Variants in CELF2 observed in about 807,000 individuals in gnomAD.
CELF2 encodes the protein CUGBP Elav-like family member 2.
A neutral mutation model predicts 62.6 loss-of-function variants in CELF2; 8 were observed. The observed-to-expected ratio is 0.13, with a 90% CI of 0.07 to 0.23. The LOEUF (loss-of-function observed/expected upper bound fraction) is 0.23. Among genes scored for constraint, CELF2 ranks in the 10% least tolerant of loss-of-function variants. The pLI, the probability that CELF2 is intolerant of heterozygous loss-of-function variation, is 1.00. For synonymous variants in CELF2, 258 were observed against 250.0 expected (o/e 1.03, Z -0.30); for missense variants, 333 against 671.0 (o/e 0.50, Z 5.56).
chr10:11,314,082 T>C lies in CELF2; in HGVS notation c.977-57T>C, dbSNP rs1171930946. The C allele has an allele frequency of 6.5e-7, 1 of 1,532,622 alleles. No individual in the cohort carries two copies. Among genetic ancestry groups the C allele is most frequent in the African/African-American group, 1.4e-5 (1 of 72,766 alleles). 94.9% of individuals were successfully genotyped at this position (1,532,622 alleles called of 1,614,324 possible). A position where few individuals can be genotyped will look rare whatever the true frequency, so the allele number is the denominator to read the frequency against. The stretch of plus-strand genomic sequence containing the variant: ...GATGATGACAGAAGGATTTCCAGTC[T>C]CGGCTCTCACTCACCTCGTGTCTTC... On this transcript the variant is annotated intron_variant, in intron 9 of 12. Coordinates refer to ENST00000633077, the MANE Select transcript of CELF2 (RefSeq NM_001326342.2). This position sits in a 1 kb window ranked among gnomAD's most constrained non-coding sequence, Gnocchi z 5.3.
intron 2 of CELF2, among the ~76,000 whole-genome samples, chr10:11,190,843 T>A (rs1179512699): frequency 7.7e-6 from 1 of 129,820 alleles, no homozygotes; most frequent in African/African-American, 2.9e-5. Flanking sequence ...CCTGGAGCAG[T>A]CAAATTCAGA....
At chr10:10,757,421 G>A in the CELF2 span, among the ~76,000 whole-genome samples, 1 of 152,104 alleles carries the variant, frequency 6.6e-6, no homozygotes, top group Non-Finnish European at 1.5e-5. Context: ...TCATACCATT[G>A]CACTGTCTCT....
At chr10:11,225,581 C>A (rs2066254384) in intron 3 of CELF2, among the ~76,000 whole-genome samples, 1 of 152,206 alleles carries the variant, frequency 6.6e-6, no homozygotes, top group African/African-American at 2.4e-5. Context: ...ATTGTCTGGG[C>A]ATCTGCTTTC....
intron 1 of CELF2, among the ~76,000 whole-genome samples, chr10:11,099,878 C>CAA (rs1200990110): frequency 5.8e-5 from 6 of 102,946 alleles, no homozygotes; most frequent in African/African-American, 2.6e-4. Flanking sequence ...AAAACAACAA[C>CAA]AACAACAAAA....
intron 1 of CELF2, among the ~76,000 whole-genome samples, chr10:11,049,551 T>G (rs2063509167): frequency 9.2e-6 from 1 of 108,510 alleles, no homozygotes; most frequent in African/African-American, 3.9e-5. Context: ...CCTATCCCTT[T>G]CTTTAGTAAA....
intron 2 of CELF2, among the ~76,000 whole-genome samples, chr10:11,181,917 G>C (rs1377307064): frequency 1.3e-5 from 2 of 152,172 alleles, no homozygotes; most frequent in Non-Finnish European, 2.9e-5. Flanking sequence ...ACGTTGACAT[G>C]GAACACCCCG....
chr10:10,579,057 A>G, the CELF2 span, among the ~76,000 whole-genome samples: 1 of 151,192 alleles, frequency 6.6e-6, no homozygotes, highest in South Asian at 2.1e-4. Flanking sequence ...TTTGTTTAGT[A>G]ACAAAACATG....
intron 2 of CELF2, among the ~76,000 whole-genome samples, chr10:10,967,919 C>CAT (rs1491266791): frequency 8.6e-6 from 1 of 116,690 alleles, no homozygotes; most frequent in African/African-American, 9.1e-5. Flanking sequence ...TTAAGGTAAG[C>CAT]ACACACACAC....
intron 2 of CELF2, among the ~76,000 whole-genome samples, chr10:11,167,106 A>C (rs949514387): frequency 6.6e-6 from 1 of 152,254 alleles, no homozygotes; most frequent in Non-Finnish European, 1.5e-5. Context: ...GATAACTGAG[A>C]ATCTGTAGAT....
the CELF2 span, among the ~76,000 whole-genome samples, chr10:10,571,985 C>T: frequency 6.6e-6 from 1 of 152,112 alleles, no homozygotes; most frequent in African/African-American, 2.4e-5. Flanking sequence ...GCAGAACAGT[C>T]TGATGGGATT....
rs2094140659 is a variant in CELF2 at position 11,305,582 on chromosome 10, G to C, written c.977-8557G>C. ...AAGAGAAGGAAGGTTGGGGGGTTCA[G>C]CTCTCAGCTCTGTTGGAGATATTAT... On this transcript the variant is annotated intron_variant, in intron 9 of 12. Transcript: ENST00000633077. This position sits in a 1 kb window ranked among gnomAD's most constrained non-coding sequence, Gnocchi z 4.8. Among the ~76,000 whole-genome samples the C allele has an allele frequency of 6.6e-6, 1 of 152,230 alleles. No homozygotes were observed. The highest frequency in any genetic ancestry group is 2.4e-5 in the African/African-American group (1 of 41,460).
At chr10:10,788,074 G>T in the CELF2 span, among the ~76,000 whole-genome samples, 4 of 152,118 alleles carry the variant, frequency 2.6e-5, no homozygotes, top group African/African-American at 4.8e-5. Context: ...TGCTGAAAAT[G>T]AGGCCAAAAA....
At chr10:10,533,842 T>A in the CELF2 span, among the ~76,000 whole-genome samples, 1 of 152,170 alleles carries the variant, frequency 6.6e-6, no homozygotes, top group Non-Finnish European at 1.5e-5. Flanking sequence ...AGGAGAGAGC[T>A]GAGGCACACA....
rs188940932 is a variant in CELF2, at chr10:11,322,723, A to G, written c.1294+1337A>G. 1.9e-4 allele frequency among the ~76,000 whole-genome samples: 29 copies of G among 152,296 alleles called. No homozygotes were observed. In the East Asian group the frequency reaches 4.2e-3, roughly 22 times the overall value. The stretch of plus-strand genomic sequence containing the variant: ...TCACTTTTAAAATGAAAAATATATG[A>G]AAGTCTAAGTTACTTTTCATTATTT... On this transcript the variant is annotated intron_variant, in intron 11 of 12. Transcript: ENST00000633077.
At chr10:10,942,785 C>T (rs1246686802) in intron 2 of CELF2, among the ~76,000 whole-genome samples, 2 of 152,114 alleles carry the variant, frequency 1.3e-5, no homozygotes, top group Admixed American at 6.5e-5. Context: ...ATTTTTGATG[C>T]AATAAATGCT....
chr10:11,298,210 G>A (rs1001450538), intron 9 of CELF2, among the ~76,000 whole-genome samples: 7 of 152,218 alleles, frequency 4.6e-5, no homozygotes, highest in African/African-American at 7.2e-5. Context: ...CTCCTGTGGC[G>A]AGGGGGATGC....
At chr10:10,921,193 G>A (rs1003201692) in intron 2 of CELF2, among the ~76,000 whole-genome samples, 1 of 152,112 alleles carries the variant, frequency 6.6e-6, no homozygotes, top group East Asian at 1.9e-4. Context: ...GACCTCAGGT[G>A]ATCCACCCGT....
chr10:11,039,208 C>T lies in CELF2; in HGVS notation c.74+21045C>T, dbSNP rs576157242. The stretch of plus-strand genomic sequence containing the variant: ...AGTGAGCCTTCTGCCCACAACACTT[C>T]GTGCCCTGTATGGCACAGAGTGGGT... On this transcript the variant is annotated intron_variant, in intron 1 of 12. Coordinates refer to ENST00000633077, the MANE Select transcript of CELF2 (RefSeq NM_001326342.2). The surrounding 1 kb of genome is among the most constrained non-coding windows in gnomAD (Gnocchi z 4.1). Among the ~76,000 whole-genome samples the T allele has an allele frequency of 2.6e-5, 4 of 152,216 alleles. No homozygotes were observed. Among genetic ancestry groups the T allele is most frequent in the Admixed American group, 6.5e-5 (1 of 15,290 alleles).
chr10:10,471,281 G>GTTTGT, the CELF2 span, among the ~76,000 whole-genome samples: 4 of 151,504 alleles, frequency 2.6e-5, no homozygotes, highest in African/African-American at 4.8e-5. Context: ...TTTTCCTACT[G>GTTTGT]TTTGTTTTGT....
Sources: gnomAD v4.1 joint callset for allele counts (sites outside exome capture counted in the v4.1 genomes callset) on GRCh38, gnomAD v4.1.1 for gene constraint, Gnocchi (gnomAD v3.1) non-coding constraint, MANE v1.5 for transcripts, NCBI Gene and HGNC (gene_info 2026-07-23, HGNC 2026-07-21) for gene names.